Variants in SSR2 observed in about 807,000 individuals in gnomAD.
SSR2 encodes signal sequence receptor subunit 2.
Under a neutral mutation model 22.6 loss-of-function variants are expected in SSR2, and 16 were observed. That is an observed-to-expected ratio of 0.71 (90% CI 0.48 to 1.08). The LOEUF is 1.08. SSR2 is among the 50% of genes least tolerant of loss of function. The pLI, the probability that SSR2 is intolerant of heterozygous loss-of-function variation, is 0.00. For synonymous variants in SSR2, 83 were observed against 91.2 expected, an observed-to-expected ratio of 0.91 and a Z score of 0.51; for missense variants, 171 against 221.6, an observed-to-expected ratio of 0.77 and a Z score of 1.45.
chr1:156,015,760 AT>A (rs1159498021), intron 3 of SSR2, among the ~76,000 whole-genome samples: 1 of 150,516 alleles, frequency 6.6e-6, no homozygotes, highest in Non-Finnish European at 1.5e-5. Context: ...AGTGTATGGT[AT>A]TTTTTTCCAG....
In SSR2 at chr1:156,009,403, A is replaced by G; in HGVS notation, c.*137T>C. The G allele has an allele frequency of 2.8e-6, 2 of 710,486 alleles. No individual in the cohort carries two copies. The highest frequency in any genetic ancestry group is 5.0e-6 in the Non-Finnish European group (2 of 401,520). 44.0% of individuals were successfully genotyped at this position (710,486 alleles called of 1,614,324 possible). On this transcript the variant is annotated 3_prime_UTR_variant, in exon 6 of 6. Coordinates refer to ENST00000295702, the MANE Select transcript of SSR2 (RefSeq NM_003145.4). ...CCTTCACTATGGCTGAGAGCAGGGC[A>G]GGATCCAGGAGAAAGTGGCCAAGGG...
intron 3 of SSR2, among the ~76,000 whole-genome samples, chr1:156,017,722 A>C (rs1211917650): frequency 8.1e-6 from 1 of 123,418 alleles, no homozygotes; most frequent in African/African-American, 3.0e-5. Context: ...ATATCCTCCC[A>C]GTATAGTATG....
intron 3 of SSR2, among the ~76,000 whole-genome samples, chr1:156,016,478 C>T (rs1231051287): frequency 1.3e-5 from 2 of 152,000 alleles, no homozygotes; most frequent in Non-Finnish European, 2.9e-5. Context: ...CCTCGTGATC[C>T]ACCCGCCTCG....
rs1433172086 is a variant in SSR2, at chr1:156,020,090, G to A, written c.78C>T (p.Ser26=). 1.2e-6 allele frequency: 2 copies of A among 1,614,138 alleles called. No individual in the cohort carries two copies. The change falls in exon 2 of 6, where the codon TCC becomes TCT. Residue 26 remains serine (S), a synonymous_variant. Coordinates refer to ENST00000295702, the MANE Select transcript of SSR2 (RefSeq NM_003145.4). ...QAEEGARLLA[S]KSLLNRYAVE... ...CGGCGTATCTGTTCAGCAGTGATTTGGAAGCCAAAAGCCTGGCTCCTTCCT... is the reference window on the plus strand; with the variant it reads ...CGGCGTATCTGTTCAGCAGTGATTTAGAAGCCAAAAGCCTGGCTCCTTCCT...
chr1:156,012,590 G>A (rs1020579955), intron 4 of SSR2: 4 of 456,150 alleles, frequency 8.8e-6, no homozygotes, highest in African/African-American at 6.0e-5. Context: ...GATACCGGAT[G>A]TGAAAACACC....
In SSR2 at chr1:156,015,028, T is replaced by G; in HGVS notation, c.296A>C (p.Lys99Thr). 6.2e-7 allele frequency: 1 copy of G among 1,613,922 alleles called. No individual in the cohort carries two copies. Among genetic ancestry groups the G allele is most frequent in the Non-Finnish European group, 8.5e-7 (1 of 1,179,928 alleles). Residue 99 changes from lysine to threonine, a missense_variant, in exon 4 of 6, where the codon AAG becomes ACG. Transcript: ENST00000295702. ...VSHTVVLRPL[K>T]AGYFNFTSAT... ...CGAGGTGAAGTTGAAATAACCAGCCTTGAGAGGGCGCAGGACCACAGTGTG... is the reference window on the plus strand; with the variant it reads ...CGAGGTGAAGTTGAAATAACCAGCCGTGAGAGGGCGCAGGACCACAGTGTG...
In SSR2 at chr1:156,018,335, G is replaced by C. The variant is rs760589176; in HGVS notation, c.189C>G (p.Ser63=). ...CAATGCCAAAGTCTTCTGGAGGGAA[G>C]GAATCATCAGATAGTTCCACGTCTA... The part of the protein sequence containing the change: ...AALDVELSDD[S]FPPEDFGIVS... The change falls in exon 3 of 6, where the codon TCC becomes TCG. Residue 63 remains serine (S), a synonymous_variant. Coordinates refer to ENST00000295702, the MANE Select transcript of SSR2 (RefSeq NM_003145.4). 2.9e-5 allele frequency: 47 copies of C among 1,613,624 alleles called. No homozygotes were observed. Among genetic ancestry groups the C allele is most frequent in the Middle Eastern group, 1.6e-4 (1 of 6,084 alleles).
chr1:156,016,746 G>A (rs1208345194), intron 3 of SSR2, among the ~76,000 whole-genome samples: 1 of 152,168 alleles, frequency 6.6e-6, no homozygotes, highest in Non-Finnish European at 1.5e-5. Context: ...GGAGGGGCCT[G>A]GTGGGAGGGA....
intron 4 of SSR2, chr1:156,013,255 A>G (rs1462382027): frequency 1.3e-5 from 2 of 151,918 alleles, no homozygotes; most frequent in African/African-American, 4.8e-5. Context: ...GTGAAACCCC[A>G]TTTCTACTAA....
chr1:156,009,469 C>T lies in SSR2; in HGVS notation c.*71G>A. On this transcript the variant is annotated 3_prime_UTR_variant, in exon 6 of 6. Transcript: ENST00000295702. Reference sequence around the variant, plus strand: ...TTGCATTTAAGATACCCTTTGGAGTCTGGAAAGCACCTGGATTTCTTGGGA... The same window carrying T: ...TTGCATTTAAGATACCCTTTGGAGTTTGGAAAGCACCTGGATTTCTTGGGA... 7.4e-6 allele frequency: 9 copies of T among 1,216,858 alleles called. No homozygotes were observed. Among genetic ancestry groups the T allele is most frequent in the Admixed American group, 1.7e-5 (1 of 57,716 alleles). The allele number at this position is 1,216,858 out of a possible 1,614,324, so 75.4% of individuals were successfully genotyped here.
intron 2 of SSR2, 62 bp from the exon 3 acceptor site, chr1:156,018,430 G>A (rs1683094523): frequency 1.4e-6 from 2 of 1,403,132 alleles, no homozygotes; most frequent in Admixed American, 1.8e-5. Flanking sequence ...AAGCAGGCCG[G>A]GCGCCGTGGC....
chr1:156,017,335 G>C (rs1457655011), intron 3 of SSR2, among the ~76,000 whole-genome samples: 1 of 152,112 alleles, frequency 6.6e-6, no homozygotes, highest in Admixed American at 6.6e-5. Flanking sequence ...GATCCTTCAT[G>C]CTAGCATCCC....
At chr1:156,012,063 A>G in intron 4 of SSR2, 176 bp from the exon 5 acceptor site, 1 of 554,994 alleles carries the variant, frequency 1.8e-6, no homozygotes, top group South Asian at 2.2e-5. Context: ...AGAGAGTTGG[A>G]TGATTCTCTC....
At position 156,011,814 on chromosome 1, in the gene SSR2, T is replaced by C; in HGVS notation, c.437A>G (p.His146Arg). ...QREFDRRFSP[H>R]FLDWAAFGVM... The stretch of plus-strand genomic sequence containing the variant: ...AGAGAACACTAGAAAGCTTACAAAA[T>C]GAGGGGAGAATCGCCTGTCAAACTC... The change falls in exon 5 of 6, where the codon CAT becomes CGT. Residue 146 changes from histidine (H) to arginine (R), a missense_variant. His to Arg is a conservative substitution (Grantham distance 29). Coordinates refer to ENST00000295702, the MANE Select transcript of SSR2 (RefSeq NM_003145.4). 1 of 1,613,552 alleles carries C rather than the reference T, an allele frequency of 6.2e-7. No homozygotes were observed. Among genetic ancestry groups the C allele is most frequent in the Non-Finnish European group, 8.5e-7 (1 of 1,179,640 alleles).
At chr1:156,013,631 A>C (rs1419792360) in intron 4 of SSR2, 4 of 153,442 alleles carry the variant, frequency 2.6e-5, no homozygotes, top group Non-Finnish European at 4.4e-5. Context: ...GGGAGAAGGT[A>C]TGGGAAGTAG....
At position 156,018,272 on chromosome 1, in the gene SSR2, G is replaced by T. The variant is rs755164206; in HGVS notation, c.252C>A (p.Ala84=). The T allele has an allele frequency of 6.2e-7, 1 of 1,613,394 alleles. No individual in the cohort carries two copies. Among genetic ancestry groups the T allele is most frequent in the African/African-American group, 1.3e-5 (1 of 74,890 alleles). Residue 84 remains alanine (A), a splice_region_variant and synonymous_variant, in exon 3 of 6, where the codon GCC becomes GCA. Coordinates refer to ENST00000295702, the MANE Select transcript of SSR2 (RefSeq NM_003145.4). The part of the protein sequence containing the change: ...GMLNVKWDRI[A]PASNVSHTVV... Reference sequence around the variant, plus strand: ...ATCACCAAGTGCCAAGAGGATACGGGGCAATCCGGTCCCATTTGACATTGA... The same window carrying T: ...ATCACCAAGTGCCAAGAGGATACGGTGCAATCCGGTCCCATTTGACATTGA...
At chr1:156,017,739 G>GTTTTTTTTTTTTTTT (rs757236241) in intron 3 of SSR2, among the ~76,000 whole-genome samples, 1 of 61,886 alleles carries the variant, frequency 1.6e-5, no homozygotes, top group Non-Finnish European at 2.7e-5. Context: ...TATGTTTCAG[G>GTTTTTTTTTTTTTTT]TTTTTTTTTT....
intron 3 of SSR2, among the ~76,000 whole-genome samples, chr1:156,015,457 G>C (rs1270814733): frequency 8.1e-6 from 1 of 122,716 alleles, no homozygotes; most frequent in Non-Finnish European, 1.6e-5. Context: ...AGTGAGCCGA[G>C]ATTGTGCCAC....
In SSR2 at chr1:156,020,051, G is replaced by A; in HGVS notation, c.117C>T (p.Asp39=). The A allele has an allele frequency of 6.2e-7, 1 of 1,614,128 alleles. No homozygotes were observed. The highest frequency in any genetic ancestry group is 8.5e-7 in the Non-Finnish European group (1 of 1,180,024). The change falls in exon 2 of 6, where the codon GAC becomes GAT. Residue 39 remains aspartate (D), a synonymous_variant. Coordinates refer to ENST00000295702, the MANE Select transcript of SSR2 (RefSeq NM_003145.4). ...TGTAGATGTTGTACTGCAAGGTCAG[G>A]TCTCGTCCCTCCACGGCGTATCTGT... ...LLNRYAVEGR[D]LTLQYNIYNV... is the part of the protein sequence containing the mutation.
Sources: allele counts gnomAD v4.1 joint callset (sites outside exome capture counted in the v4.1 genomes callset), GRCh38; gene constraint gnomAD v4.1.1; transcripts MANE v1.5; gene names NCBI Gene and HGNC (gene_info 2026-07-23, HGNC 2026-07-21).